The following TATDN3 variants were observed in gnomAD, a reference collection of about 807,000 sequenced individuals.
TATDN3 encodes TatD DNase domain containing 3.
A neutral mutation model predicts 40.1 loss-of-function variants in TATDN3; 29 were observed. The ratio of observed to expected loss-of-function variants is 0.72; its 90% CI spans 0.54 to 0.99. The LOEUF (loss-of-function observed/expected upper bound fraction) is 0.99, where lower values mean the gene tolerates loss of function less well. TATDN3 is among the 50% of genes least tolerant of loss of function. The probability of loss-of-function intolerance (pLI) is 0.00; values close to 1 mark genes in which losing one functional copy is unlikely to be tolerated. For synonymous variants in TATDN3, 105 were observed against 117.0 expected (o/e 0.90, Z 0.66); for missense variants, 309 against 321.9 (o/e 0.96, Z 0.31).
chr1:212,807,468 G>A (rs1662611797), intron 7 of TATDN3, among the ~76,000 whole-genome samples: 1 of 151,962 alleles, frequency 6.6e-6, no homozygotes, highest in African/African-American at 2.4e-5. Flanking sequence ...GGCCAGGCTG[G>A]TTTCGAACTC....
intron 6 of TATDN3, 47 bp from the exon 7 acceptor site, chr1:212,804,549 A>G: frequency 6.3e-7 from 1 of 1,590,718 alleles, no homozygotes; most frequent in Non-Finnish European, 8.6e-7. Flanking sequence ...ATCAAAAACA[A>G]TACTTTCAGA....
intron 7 of TATDN3, among the ~76,000 whole-genome samples, chr1:212,805,262 A>G (rs1031851863): frequency 7.9e-6 from 1 of 126,562 alleles, no homozygotes; most frequent in Admixed American, 8.1e-5. Context: ...TGCCCACCCT[A>G]TTTTATTTTT....
rs1446926981 is a variant in TATDN3 at position 212,815,930 on chromosome 1, T to C, written c.*774T>C. 6.6e-6 allele frequency: 1 copy of C among 152,238 alleles called. No individual in the cohort carries two copies. The highest frequency in any genetic ancestry group is 1.5e-5 in the Non-Finnish European group (1 of 68,048). 9.4% of individuals were successfully genotyped at this position (152,238 alleles called of 1,614,324 possible). On this transcript the variant is annotated 3_prime_UTR_variant, in exon 10 of 10. Transcript: ENST00000366974. Reference sequence around the variant, plus strand: ...AATCTCTTTTCTAGGTTTGTAAAATTGAACTTTTAGTACTTCGAATTATTT... The same window carrying C: ...AATCTCTTTTCTAGGTTTGTAAAATCGAACTTTTAGTACTTCGAATTATTT...
rs903476072 is a variant in TATDN3, at chr1:212,797,282, A to G, written c.258+86A>G. 9.3e-5 allele frequency: 91 copies of G among 973,884 alleles called. No individual in the cohort carries two copies. In the South Asian group the frequency reaches 1.3e-3, roughly 14 times the overall value. 60.3% of individuals were successfully genotyped at this position (973,884 alleles called of 1,614,324 possible). A position where few individuals can be genotyped will look rare whatever the true frequency, so the allele number is the denominator to read the frequency against. On this transcript the variant is annotated intron_variant, in intron 4 of 9. Coordinates refer to ENST00000366974, the MANE Select transcript of TATDN3 (RefSeq NM_001042552.3). ...AGTAATCCTCCTCTTTCTAATTTAT[A>G]TTCTCAGGAAATAATCCAAAAGAAG...
chr1:212,799,658 C>A (rs1027677040), intron 4 of TATDN3, among the ~76,000 whole-genome samples: 1 of 152,054 alleles, frequency 6.6e-6, no homozygotes. Context: ...GTGCCTCAGC[C>A]TCCTGAGTAG....
In TATDN3 at chr1:212,816,011, T is replaced by C. The variant is rs1414618037; in HGVS notation, c.*855T>C. 1 of 152,224 alleles carries C rather than the reference T, an allele frequency of 6.6e-6. No homozygotes were observed. The highest frequency in any genetic ancestry group is 1.9e-4 in the East Asian group (1 of 5,208). The allele number at this position is 152,224 out of a possible 1,614,324, so 9.4% of individuals were successfully genotyped here. A position where few individuals can be genotyped will look rare whatever the true frequency, so the allele number is the denominator to read the frequency against. On this transcript the variant is annotated 3_prime_UTR_variant, in exon 10 of 10. Coordinates refer to ENST00000366974, the MANE Select transcript of TATDN3 (RefSeq NM_001042552.3). ...ACACTGATCTTAGATTTTTGACTTA[T>C]GAGGCCAGTGGTTTAAACAATCATT...
At chr1:212,795,406 G>C (rs955981641) in intron 2 of TATDN3, among the ~76,000 whole-genome samples, 1 of 151,902 alleles carries the variant, frequency 6.6e-6, no homozygotes, top group African/African-American at 2.4e-5. Context: ...GAGTAGCTGG[G>C]ACTATAGGCA....
At chr1:212,796,413 A>G (rs1558075855) in intron 2 of TATDN3, 104 bp from the exon 3 acceptor site, 9 of 843,794 alleles carry the variant, frequency 1.1e-5, no homozygotes, top group Non-Finnish European at 1.6e-5. Flanking sequence ...TTGATGAAGC[A>G]TGGCTGAACA....
chr1:212,797,202 AGTC>A lies in TATDN3; in HGVS notation c.258+7_258+9del, dbSNP rs751575379. The A allele has an allele frequency of 2.5e-6, 4 of 1,609,468 alleles. No individual in the cohort carries two copies. In the South Asian group the frequency reaches 3.3e-5, roughly 13 times the overall value. Reference sequence around the variant, plus strand: ...AAAGAAGTGTCACACTAAAGGTAACAGTCATACAAAACAGGAACCATTAAAAAC... The same window carrying A: ...AAAGAAGTGTCACACTAAAGGTAACAATACAAAACAGGAACCATTAAAAAC... On this transcript the variant is annotated splice_region_variant and intron_variant, in intron 4 of 9. Transcript: ENST00000366974.
At chr1:212,812,559 A>G (rs750689753) in intron 9 of TATDN3, among the ~76,000 whole-genome samples, 1 of 152,254 alleles carries the variant, frequency 6.6e-6, no homozygotes, top group South Asian at 2.1e-4. Context: ...TAAGAGTCAG[A>G]CCAGTGTAGT....
At chr1:212,797,322 T>C (rs1661846027) in intron 4 of TATDN3, 126 bp downstream of exon 4, 1 of 707,724 alleles carries the variant, frequency 1.4e-6, no homozygotes, top group Non-Finnish European at 2.3e-6. Flanking sequence ...CATTACCTTC[T>C]TTAACAAAGA....
At chr1:212,804,531 T>C in intron 6 of TATDN3, 65 bp from the exon 7 acceptor site, 1 of 1,577,398 alleles carries the variant, frequency 6.3e-7, no homozygotes, top group Non-Finnish European at 8.7e-7. Context: ...TCCAAACTAC[T>C]TTAATAGATC....
Position 212,815,606 on chromosome 1 carries a change from C to T in TATDN3, c.*450C>T, listed in dbSNP as rs1338928315. On this transcript the variant is annotated 3_prime_UTR_variant, in exon 10 of 10. Coordinates refer to ENST00000366974, the MANE Select transcript of TATDN3 (RefSeq NM_001042552.3). ...TGGCACGATCTTGGCTCACTGCAAC[C>T]TCCACTTCCCAGGTTCTAGCGAGTC... The T allele has an allele frequency of 6.5e-6, 1 of 153,384 alleles. No individual in the cohort carries two copies. Among genetic ancestry groups the T allele is most frequent in the African/African-American group, 2.4e-5 (1 of 41,440 alleles). 9.5% of individuals were successfully genotyped at this position (153,384 alleles called of 1,614,324 possible).
intron 7 of TATDN3, among the ~76,000 whole-genome samples, chr1:212,805,541 C>A (rs754460905): frequency 6.6e-6 from 1 of 152,102 alleles, no homozygotes; most frequent in Non-Finnish European, 1.5e-5. Context: ...CAGGCGTGAG[C>A]GACTGTGCCT....
intron 4 of TATDN3, among the ~76,000 whole-genome samples, chr1:212,802,281 A>G (rs1379229000): frequency 6.6e-6 from 1 of 152,254 alleles, no homozygotes; most frequent in Admixed American, 6.5e-5. Flanking sequence ...TGGGATTATC[A>G]TTATAAACTC....
rs1216402912 is a variant in TATDN3, at chr1:212,812,157, CA to C, written c.601-90del. On this transcript the variant is annotated intron_variant, in intron 8 of 9. Coordinates refer to ENST00000366974, the MANE Select transcript of TATDN3 (RefSeq NM_001042552.3). ...CTAAAGCATAAATTTTAAGTTATTG[CA>C]GAATAAAATGCATTATTAGTATGTC... 2.6e-5 allele frequency: 21 copies of C among 803,618 alleles called. No homozygotes were observed. In the East Asian group the frequency reaches 5.0e-4, roughly 19 times the overall value. The allele number at this position is 803,618 out of a possible 1,614,324, so 49.8% of individuals were successfully genotyped here.
intron 8 of TATDN3, among the ~76,000 whole-genome samples, chr1:212,811,439 T>G (rs1245245199): frequency 6.6e-6 from 1 of 151,984 alleles, no homozygotes. Flanking sequence ...AATTTTTGTA[T>G]TCTCAGTAGA....
intron 8 of TATDN3, among the ~76,000 whole-genome samples, chr1:212,811,999 C>A (rs1209624947): frequency 6.6e-6 from 1 of 151,698 alleles, no homozygotes; most frequent in Admixed American, 6.6e-5. Flanking sequence ...CTGTGCCTGG[C>A]AATTTTTGTA....
chr1:212,792,288 C>T (rs1400722958), intron 1 of TATDN3, among the ~76,000 whole-genome samples: 1 of 152,124 alleles, frequency 6.6e-6, no homozygotes, highest in Non-Finnish European at 1.5e-5. Flanking sequence ...GGGGCTCTCA[C>T]CTCCTGGCTG....
Sources: allele counts gnomAD v4.1 joint callset (sites outside exome capture counted in the v4.1 genomes callset), GRCh38; gene constraint gnomAD v4.1.1; transcripts MANE v1.5; gene names NCBI Gene and HGNC (gene_info 2026-07-23, HGNC 2026-07-21).